Variants in FER1L5 observed in about 807,000 individuals in gnomAD.
The protein encoded by FER1L5 is fer-1-like protein 5.
In FER1L5, 187 loss-of-function variants were observed where a neutral mutation model predicts 279.9. That is an observed-to-expected ratio of 0.67 (90% CI 0.59 to 0.75). FER1L5 has a LOEUF of 0.75. Among genes scored for constraint, FER1L5 ranks in the 30% least tolerant of loss-of-function variants. FER1L5 has a pLI of 0.00. For missense variants in FER1L5, 2,091 were observed against 2,594.4 expected (o/e 0.81, Z 4.21); for synonymous variants, 921 against 989.7 (o/e 0.93, Z 1.30).
rs1160930656 is a variant in FER1L5, at chr2:96,668,749, A to T, written c.1141-2A>T. 3.2e-6 allele frequency: 5 copies of T among 1,551,412 alleles called. No homozygotes were observed. The highest frequency in any genetic ancestry group is 2.0e-5 in the Admixed American group (1 of 50,976). On this transcript the variant is annotated splice_acceptor_variant, in intron 14 of 52. Transcript: ENST00000624922. LOFTEE classifies it high-confidence loss of function. Reference sequence around the variant, plus strand: ...ACCGCACCTCTCTCCTTCCCTCCACAGCTACCCTGCCTCTCCAGCTACATC... The same window carrying T: ...ACCGCACCTCTCTCCTTCCCTCCACTGCTACCCTGCCTCTCCAGCTACATC...
At chr2:96,703,927 T>A (rs2077686224) in intron 51 of FER1L5, among the ~76,000 whole-genome samples, 1 of 150,098 alleles carries the variant, frequency 6.7e-6, no homozygotes, top group Admixed American at 6.8e-5. Context: ...GCGATTCTCC[T>A]GCCTCAGCCT....
Position 96,653,684 on chromosome 2 carries a change from T to C in FER1L5, c.678T>C (p.Asp226=). 6.4e-7 allele frequency: 1 copy of C among 1,551,056 alleles called. No individual in the cohort carries two copies. The highest frequency in any genetic ancestry group is 8.7e-7 in the Non-Finnish European group (1 of 1,146,636). ...ATGAGGTTCCTGCAAAGTTCTTTGA[T>C]GAGACCATCTTAATCCAGGTGAGGA... ...NFHEVPAKFF[D]ETILIQVVNS... is the part of the protein sequence containing the mutation. Residue 226 remains aspartate, a synonymous_variant, in exon 8 of 53, where the codon GAT becomes GAC. Coordinates refer to ENST00000624922, the MANE Select transcript of FER1L5 (RefSeq NM_001293083.2).
chr2:96,698,015 A>C lies in FER1L5; in HGVS notation c.4237-22A>C. On this transcript the variant is annotated intron_variant, in intron 39 of 52. Transcript: ENST00000624922. The surrounding 1 kb of genome is among the most constrained non-coding windows in gnomAD (Gnocchi z 5.5). ...ATCACGGGAACAGTCTCCACCAGCC[A>C]GGGTTCCACACACCTCTGCAGGTGT... 1 of 1,550,280 alleles carries C rather than the reference A, an allele frequency of 6.5e-7. No homozygotes were observed. The highest frequency in any genetic ancestry group is 8.7e-7 in the Non-Finnish European group (1 of 1,146,394).
intron 19 of FER1L5, among the ~76,000 whole-genome samples, chr2:96,680,155 A>G (rs1244069578): frequency 3.3e-5 from 5 of 151,934 alleles, no homozygotes; most frequent in African/African-American, 2.4e-5. Flanking sequence ...TCTGCAGATT[A>G]TATCTGTCTC....
At position 96,702,339 on chromosome 2, in the gene FER1L5, C is replaced by T. The variant is rs1165117260; in HGVS notation, c.5193C>T (p.Ala1731=). ...TGCGATGCATCATCTGGAAGACTGC[C>T]AATGTGGACCTGGTGGATGACAATT... ...YELRCIIWKT[A]NVDLVDDNLS... is the part of the protein sequence containing the mutation. The change falls in exon 47 of 53, where the codon GCC becomes GCT. Residue 1731 remains alanine, a synonymous_variant. Coordinates refer to ENST00000624922, the MANE Select transcript of FER1L5 (RefSeq NM_001293083.2). This position sits in a 1 kb window ranked among gnomAD's most constrained non-coding sequence, Gnocchi z 4.0. The T allele has an allele frequency of 2.5e-6, 4 of 1,612,984 alleles. No individual in the cohort carries two copies. In the East Asian group the frequency reaches 8.9e-5, roughly 36 times the overall value.
rs1363295162 is a variant in FER1L5, at chr2:96,659,288, GCTTTCCTTCCTT to G, written c.748-1051_748-1040del. ...ATTTTGATGAAGTCCAATTTATCAA[GCTTTCCTTCCTT>G]CCTTCCTTCCTTCCTTCCTTCCTTC... On this transcript the variant is annotated intron_variant, in intron 9 of 52. Coordinates refer to ENST00000624922, the MANE Select transcript of FER1L5 (RefSeq NM_001293083.2). Among the ~76,000 whole-genome samples, 83 of 100,186 alleles carry G rather than the reference GCTTTCCTTCCTT, an allele frequency of 8.3e-4. 6 individuals carry two copies. The highest frequency in any genetic ancestry group is 3.2e-3 in the African/African-American group (75 of 23,104). The allele number at this position is 100,186 out of a possible 152,430, so 65.7% of individuals were successfully genotyped here.
chr2:96,661,583 G>C, intron 11 of FER1L5, 85 bp from the exon 12 acceptor site: 1 of 1,538,964 alleles, frequency 6.5e-7, no homozygotes, highest in Admixed American at 2.0e-5. Context: ...CCTGCACCAA[G>C]TGGGAAGTTG....
intron 45 of FER1L5, among the ~76,000 whole-genome samples, chr2:96,700,826 G>A (rs1217461445): frequency 2.0e-5 from 3 of 152,160 alleles, no homozygotes; most frequent in Non-Finnish European, 2.9e-5. Context: ...ATGACAACGC[G>A]GGTTCTGGCT....
Position 96,699,695 on chromosome 2 carries a change from T to C in FER1L5, c.4756T>C (p.Cys1586Arg). 1.9e-6 allele frequency: 3 copies of C among 1,613,990 alleles called. No individual in the cohort carries two copies. Among genetic ancestry groups the C allele is most frequent in the Non-Finnish European group, 2.5e-6 (3 of 1,179,882 alleles). ...NRLLSGFGAH[C>R]GLSKSYCQSG... is the part of the protein sequence containing the mutation. ...ACTCCTATCTGGCTTTGGAGCTCAT[T>C]GTGGGCTCTCCAAATCCTACTGCCA... The change falls in exon 43 of 53, where the codon TGT becomes CGT. Residue 1586 changes from cysteine (C) to arginine (R), a missense_variant. By Grantham distance (180) the Cys-to-Arg change is radical (BLOSUM62 -3). Transcript: ENST00000624922.
At position 96,687,916 on chromosome 2, in the gene FER1L5, G is replaced by T. The variant is rs777387964; in HGVS notation, c.2330G>T (p.Arg777Leu). ...GACAGCAAGGACCTGCAGCTGCTCC[G>T]CCAGGGTGACACAGCGGTGTACGCC... Reference protein sequence around the residue: ...VTDSKDLQLLRQGDTAVYAEM... With the variant: ...VTDSKDLQLLLQGDTAVYAEM... The change falls in exon 24 of 53, where the codon CGC (arginine) becomes CTC (leucine). Residue 777 changes from arginine (R) to leucine (L), a missense_variant. Physicochemically the swap from Arg to Leu is moderately radical, Grantham distance 102 (BLOSUM62 -2). Coordinates refer to ENST00000624922, the MANE Select transcript of FER1L5 (RefSeq NM_001293083.2). 2 of 1,550,944 alleles carry T rather than the reference G, an allele frequency of 1.3e-6. No individual in the cohort carries two copies. Among genetic ancestry groups the T allele is most frequent in the Non-Finnish European group, 1.7e-6 (2 of 1,146,968 alleles).
Position 96,668,747 on chromosome 2 carries a change from A to G in FER1L5, c.1141-4A>G. ...CCACCGCACCTCTCTCCTTCCCTCCACAGCTACCCTGCCTCTCCAGCTACA... is the reference window on the plus strand; with the variant it reads ...CCACCGCACCTCTCTCCTTCCCTCCGCAGCTACCCTGCCTCTCCAGCTACA... On this transcript the variant is annotated splice_region_variant and splice_polypyrimidine_tract_variant and intron_variant, in intron 14 of 52. Coordinates refer to ENST00000624922, the MANE Select transcript of FER1L5 (RefSeq NM_001293083.2). The G allele has an allele frequency of 6.4e-7, 1 of 1,551,000 alleles. No individual in the cohort carries two copies. The highest frequency in any genetic ancestry group is 8.7e-7 in the Non-Finnish European group (1 of 1,146,778).
chr2:96,669,054 G>GGCTTCCTGCCCTGCTTTGGCCCCA lies in FER1L5; in HGVS notation c.1288_1311dup (p.Pro430_Leu437dup). ...CTCTCTCCTTCCAGGAGTGTACTCC[G>GGCTTCCTGCCCTGCTTTGGCCCCA]GCTTCCTGCCCTGCTTTGGCCCCAG... On this transcript the variant is annotated inframe_insertion, in exon 17 of 53. Coordinates refer to ENST00000624922, the MANE Select transcript of FER1L5 (RefSeq NM_001293083.2). 6.4e-7 allele frequency: 1 copy of GGCTTCCTGCCCTGCTTTGGCCCCA among 1,551,646 alleles called. No individual in the cohort carries two copies. Among genetic ancestry groups the GGCTTCCTGCCCTGCTTTGGCCCCA allele is most frequent in the East Asian group, 2.4e-5 (1 of 40,914 alleles).
Position 96,702,682 on chromosome 2 carries a change from C to A in FER1L5, c.5338C>A (p.Arg1780=), listed in dbSNP as rs1231638735. ...GACTGGGGAGGCCGACTTCAACTGG[C>A]GGTTCATCTTTACCATGGACTACCT... ...SLTGEADFNW[R]FIFTMDYLAA... The change falls in exon 48 of 53, where the codon CGG becomes AGG. Residue 1780 remains arginine, a synonymous_variant. Transcript: ENST00000624922. The surrounding 1 kb of genome is among the most constrained non-coding windows in gnomAD (Gnocchi z 4.0). 7 of 1,612,400 alleles carry A rather than the reference C, an allele frequency of 4.3e-6. No individual in the cohort carries two copies. Among genetic ancestry groups the A allele is most frequent in the African/African-American group, 4.0e-5 (3 of 74,908 alleles).
In FER1L5 at chr2:96,679,870, C is replaced by T. The variant is rs76169418; in HGVS notation, c.1670-4457C>T. On this transcript the variant is annotated intron_variant, in intron 19 of 52. Coordinates refer to ENST00000624922, the MANE Select transcript of FER1L5 (RefSeq NM_001293083.2). ...CTGAATTGTCTGCAGCATCTAATCT[C>T]CCGTGGACTACTTATGTTACCTTCC... Among the ~76,000 whole-genome samples the T allele has an allele frequency of 5.5e-4, 83 of 152,288 alleles. 1 individual carries two copies. The East Asian group carries it at 0.016, about 29-fold the overall frequency.
chr2:96,644,357 A>T (rs145681795), intron 1 of FER1L5, among the ~76,000 whole-genome samples: 192 of 151,044 alleles, frequency 1.3e-3, no homozygotes, highest in African/African-American at 4.2e-3. Flanking sequence ...CATGGTGGGT[A>T]TTTGTAGTCC....
At chr2:96,662,324 G>A in intron 13 of FER1L5, 57 bp downstream of exon 13, 1 of 1,514,210 alleles carries the variant, frequency 6.6e-7, no homozygotes, top group African/African-American at 1.4e-5. Context: ...AAAGTAGTTT[G>A]GAGAGGAGGG....
intron 4 of FER1L5, 95 bp downstream of exon 4, chr2:96,647,981 GGGCCCCATCACAC>G: frequency 9.9e-7 from 1 of 1,011,630 alleles, no homozygotes; most frequent in Non-Finnish European, 1.5e-6. Context: ...CCTGCTTGGG[GGGCCCCATCACAC>G]TGCCTTCCTC....
chr2:96,662,357 G>A (rs1160376411), intron 13 of FER1L5, 90 bp downstream of exon 13: 2 of 1,186,584 alleles, frequency 1.7e-6, no homozygotes, highest in African/African-American at 3.0e-5. Flanking sequence ...CAAGACCACA[G>A]GAATCATCTC....
chr2:96,695,214 G>C (rs2077321357), intron 34 of FER1L5: 1 of 365,996 alleles, frequency 2.7e-6, no homozygotes, highest in South Asian at 5.1e-5. Flanking sequence ...CGGGTGAGGA[G>C]GGGCAATGCC....
Sources: gnomAD v4.1 joint callset for allele counts (sites outside exome capture counted in the v4.1 genomes callset) on GRCh38, gnomAD v4.1.1 for gene constraint, Gnocchi (gnomAD v3.1) non-coding constraint, MANE v1.5 for transcripts, NCBI Gene and HGNC (gene_info 2026-07-23, HGNC 2026-07-21) for gene names.